Variants in TMEM50B observed in about 807,000 individuals in gnomAD.
TMEM50B encodes the protein transmembrane protein 50B.
In TMEM50B, 14 loss-of-function variants were observed where a neutral mutation model predicts 23.4. The ratio of observed to expected loss-of-function variants is 0.60; its 90% CI spans 0.39 to 0.93. The LOEUF (loss-of-function observed/expected upper bound fraction) is 0.93, where lower values mean the gene tolerates loss of function less well. Ranked by LOEUF, TMEM50B falls within the 40% of genes least tolerant of loss-of-function variation. The pLI is 0.00. For synonymous variants in TMEM50B, 64 were observed against 62.3 expected (o/e 1.03, Z -0.13); for missense variants, 159 against 193.0 (o/e 0.82, Z 1.04).
chr21:33,452,375 C>T (rs968686581), intron 6 of TMEM50B, among the ~76,000 whole-genome samples: 2 of 152,160 alleles, frequency 1.3e-5, no homozygotes, highest in African/African-American at 4.8e-5. Flanking sequence ...AGGAGATCTG[C>T]AGGGGGTGCT....
intron 8 of TMEM50B, among the ~76,000 whole-genome samples, chr21:33,435,060 T>G (rs2083931513): frequency 6.6e-6 from 1 of 152,210 alleles, no homozygotes; most frequent in Admixed American, 6.5e-5. Flanking sequence ...TGTTCCTCTT[T>G]CAGTCAGTCA....
Position 33,460,424 on chromosome 21 carries a change from T to C in TMEM50B, c.362A>G (p.Tyr121Cys), listed in dbSNP as rs1446157666. Residue 121 changes from tyrosine (Y) to cysteine (C), a missense_variant, in exon 5 of 7, where the codon TAT becomes TGT. Physicochemically the swap from Tyr to Cys is radical, Grantham distance 194. Transcript: ENST00000542230. ...GAATATATACTTACTTTGGGTAACA[T>C]ATGCACCAAAAAGAATCCACATGGA... ...IASMWILFGA[Y>C]VTQNTDVYPG... is the part of the protein sequence containing the mutation. 2 of 1,601,176 alleles carry C rather than the reference T, an allele frequency of 1.2e-6. No individual in the cohort carries two copies. The highest frequency in any genetic ancestry group is 8.5e-7 in the Non-Finnish European group (1 of 1,170,734).
intron 2 of TMEM50B, among the ~76,000 whole-genome samples, chr21:33,468,039 G>A (rs1352489629): frequency 2.1e-5 from 3 of 139,616 alleles, no homozygotes; most frequent in South Asian, 2.3e-4. Flanking sequence ...TCTAGTAGCT[G>A]TACAACATAG....
intron 6 of TMEM50B, among the ~76,000 whole-genome samples, 165 bp from the exon 7 acceptor site, chr21:33,451,028 A>C (rs1236496735): frequency 1.3e-5 from 2 of 152,248 alleles, no homozygotes; most frequent in Admixed American, 1.3e-4. Context: ...TATTTTGTAA[A>C]GCAGTCTGTT....
chr21:33,473,911 C>CT (rs1238746937), intron 1 of TMEM50B, among the ~76,000 whole-genome samples: 2 of 152,072 alleles, frequency 1.3e-5, no homozygotes, highest in Non-Finnish European at 2.9e-5. Flanking sequence ...CAACAACTGA[C>CT]TAAGTAAAAG....
chr21:33,456,135 C>A (rs972316887), intron 5 of TMEM50B: 15 of 510,106 alleles, frequency 2.9e-5, no homozygotes, highest in Admixed American at 1.2e-4. Context: ...AAAATAAATT[C>A]TTGACTTTTA....
chr21:33,478,775 C>A, intron 1 of TMEM50B: 1 of 471,022 alleles, frequency 2.1e-6, no homozygotes, highest in South Asian at 1.5e-5. Flanking sequence ...TTAATGTTTG[C>A]TCTACGTTTG....
rs71194848 is a variant in TMEM50B at position 33,470,424 on chromosome 21, CAAAAAAAAAAAA to C, written c.-41-1510_-41-1499del. Among the ~76,000 whole-genome samples the C allele has an allele frequency of 7.3e-4, 48 of 65,970 alleles. No individual in the cohort carries two copies. In the East Asian group the frequency reaches 0.017, roughly 23 times the overall value. 43.3% of individuals were successfully genotyped at this position (65,970 alleles called of 152,430 possible). On this transcript the variant is annotated intron_variant, in intron 1 of 6. Coordinates refer to ENST00000542230, the MANE Select transcript of TMEM50B (RefSeq NM_006134.7). ...TGGGAGACAAAGCGAGACTGTGTCT[CAAAAAAAAAAAA>C]AAAAAAAAAAATCGGCTAGGCTCGG...
At chr21:33,468,715 C>T in intron 2 of TMEM50B, 72 bp downstream of exon 2, 1 of 1,232,742 alleles carries the variant, frequency 8.1e-7, no homozygotes, top group East Asian at 2.3e-5. Context: ...ATTCTCAGTT[C>T]AAAGGAACCG....
intron 8 of TMEM50B, among the ~76,000 whole-genome samples, chr21:33,438,748 G>C (rs894452979): frequency 1.4e-5 from 2 of 138,752 alleles, no homozygotes; most frequent in African/African-American, 5.5e-5. Flanking sequence ...TTTTTCTTTT[G>C]AGACAGAGTC....
At chr21:33,440,423 A>T (rs2083997778) in intron 7 of TMEM50B, among the ~76,000 whole-genome samples, 1 of 151,930 alleles carries the variant, frequency 6.6e-6, no homozygotes, top group Admixed American at 6.6e-5. Context: ...CACCGTCTCT[A>T]CTAAAAATAC....
Position 33,450,740 on chromosome 21 carries a change from G to T in TMEM50B, c.*78C>A. 1 of 1,067,052 alleles carries T rather than the reference G, an allele frequency of 9.4e-7. No homozygotes were observed. The highest frequency in any genetic ancestry group is 1.4e-6 in the Non-Finnish European group (1 of 713,674). The allele number at this position is 1,067,052 out of a possible 1,614,324, so 66.1% of individuals were successfully genotyped here. Reference sequence around the variant, plus strand: ...ATTTAATGTACAATCTACTCCATTTGGCAATGTGTACTGAGAGATAAAAAA... The same window carrying T: ...ATTTAATGTACAATCTACTCCATTTTGCAATGTGTACTGAGAGATAAAAAA... On this transcript the variant is annotated 3_prime_UTR_variant, in exon 7 of 7. Coordinates refer to ENST00000542230, the MANE Select transcript of TMEM50B (RefSeq NM_006134.7).
intron 1 of TMEM50B, among the ~76,000 whole-genome samples, chr21:33,478,083 C>G (rs1039964901): frequency 1.3e-5 from 2 of 149,422 alleles, no homozygotes; most frequent in East Asian, 2.0e-4. Context: ...TGCAGTGAGC[C>G]GAGATCTTGC....
At chr21:33,441,396 T>C (rs1353560394) in intron 7 of TMEM50B, among the ~76,000 whole-genome samples, 1 of 152,070 alleles carries the variant, frequency 6.6e-6, no homozygotes. Context: ...GAGTAAACTA[T>C]GTACATATTT....
At chr21:33,467,164 C>T (rs763000240) in intron 2 of TMEM50B, 42 bp from the exon 3 acceptor site, 1 of 1,497,496 alleles carries the variant, frequency 6.7e-7, no homozygotes, top group Non-Finnish European at 9.3e-7. Flanking sequence ...AAAACTCTTG[C>T]TAGCACAATA....
Position 33,468,898 on chromosome 21 carries a change from A to T in TMEM50B, c.-13T>A. 6.2e-7 allele frequency: 1 copy of T among 1,605,592 alleles called. No individual in the cohort carries two copies. The highest frequency in any genetic ancestry group is 8.5e-7 in the Non-Finnish European group (1 of 1,173,594). On this transcript the variant is annotated 5_prime_UTR_variant, in exon 2 of 7. Coordinates refer to ENST00000542230, the MANE Select transcript of TMEM50B (RefSeq NM_006134.7). ...GGAAGCCTGCCATTTTTACTTCTTA[A>T]GCATAAATTTTTCATTAAATGCTGT...
chr21:33,438,594 T>G (rs996128677), intron 8 of TMEM50B, among the ~76,000 whole-genome samples: 2 of 152,086 alleles, frequency 1.3e-5, no homozygotes, highest in Non-Finnish European at 2.9e-5. Flanking sequence ...GGTCAGGAGT[T>G]CGAGACCAGC....
In TMEM50B at chr21:33,440,110, A is replaced by C. The variant is rs542070583; in HGVS notation, c.*2037-813T>G. On this transcript the variant is annotated intron_variant and NMD_transcript_variant, in intron 7 of 8. Coordinates refer to the TMEM50B transcript ENST00000420455. Reference sequence around the variant, plus strand: ...TTGAGTTGGAAGCACTCTTATAAATAATCCGTTGACAGGGCATAATCCATA... The same window carrying C: ...TTGAGTTGGAAGCACTCTTATAAATCATCCGTTGACAGGGCATAATCCATA... Among the ~76,000 whole-genome samples the C allele has an allele frequency of 6.6e-5, 10 of 152,326 alleles. No homozygotes were observed. In the South Asian group the frequency reaches 2.1e-3, roughly 32 times the overall value.
chr21:33,464,004 T>C (rs2084241000), intron 4 of TMEM50B, among the ~76,000 whole-genome samples: 2 of 152,046 alleles, frequency 1.3e-5, no homozygotes, highest in African/African-American at 2.4e-5. Context: ...AGAAAAAATA[T>C]ACACGTGATA....
Sources: allele counts gnomAD v4.1 joint callset (sites outside exome capture counted in the v4.1 genomes callset), GRCh38; gene constraint gnomAD v4.1.1; transcripts MANE v1.5; gene names NCBI Gene and HGNC (gene_info 2026-07-23, HGNC 2026-07-21).